The following FAR2 variants were observed in gnomAD, a reference collection of about 807,000 sequenced individuals.
FAR2 encodes fatty acyl-CoA reductase 2, also known as epididymis secretory protein Li 81.
Under a neutral mutation model 56.0 loss-of-function variants are expected in FAR2, and 19 were observed. The ratio of observed to expected loss-of-function variants is 0.34; its 90% confidence interval spans 0.24 to 0.50. The LOEUF (loss-of-function observed/expected upper bound fraction) is 0.50. Among genes scored for constraint, FAR2 ranks in the 20% least tolerant of loss-of-function variants. The pLI is 0.98. For synonymous variants in FAR2, 219 were observed against 218.8 expected (o/e 1.00, Z -0.01); for missense variants, 508 against 642.2 (o/e 0.79, Z 2.26).
intron 1 of FAR2, among the ~76,000 whole-genome samples, chr12:29,210,946 C>CAA (rs11407727): frequency 0.09 from 13,556 of 151,202 alleles, 819 homozygotes; most frequent in East Asian, 0.3. Flanking sequence ...GTCTTAAAAA[C>CAA]AAAAAAAAAA....
intron 1 of FAR2, among the ~76,000 whole-genome samples, chr12:29,254,364 T>A (rs1310472869): frequency 6.6e-6 from 1 of 152,204 alleles, no homozygotes; most frequent in African/African-American, 2.4e-5. Context: ...GTGACTGATA[T>A]ACAATTGTTT....
chr12:29,332,719 C>T lies in FAR2; in HGVS notation c.1377C>T (p.Arg459=), dbSNP rs1299120851. The change falls in exon 11 of 12, where the codon CGC becomes CGT. Residue 459 remains arginine, a synonymous_variant. Transcript: ENST00000536681. ...CTGGGATCCCAAAAGCAAAGCAACG[C>T]TTAAAAAGGTAAGTATAATCAGTCA... ...DMAGIPKAKQ[R]LKRLRNIHYL... 2.5e-6 allele frequency: 4 copies of T among 1,612,758 alleles called. No individual in the cohort carries two copies. Among genetic ancestry groups the T allele is most frequent in the Non-Finnish European group, 3.4e-6 (4 of 1,179,402 alleles).
chr12:29,235,084 T>C (rs1372148686), intron 1 of FAR2, among the ~76,000 whole-genome samples: 2 of 152,228 alleles, frequency 1.3e-5, no homozygotes, highest in Non-Finnish European at 2.9e-5. Flanking sequence ...TTTGTCCTCA[T>C]AGCAACCGTT....
At position 29,220,063 on chromosome 12, in the gene FAR2, A is replaced by G. The variant is rs75359779; in HGVS notation, c.-38-50349A>G. The stretch of plus-strand genomic sequence containing the variant: ...ATATTATGATCCCTGCACATTACAA[A>G]TGATCCAGTTGAGTCCTGGCAGTAG... On this transcript the variant is annotated intron_variant, in intron 1 of 11. Transcript: ENST00000536681. 9.5e-4 allele frequency among the ~76,000 whole-genome samples: 145 copies of G among 152,316 alleles called. No individual in the cohort carries two copies. In the East Asian group the frequency reaches 0.027, roughly 28 times the overall value.
intron 1 of FAR2, among the ~76,000 whole-genome samples, chr12:29,197,310 C>G (rs1950152012): frequency 6.6e-6 from 1 of 152,102 alleles, no homozygotes; most frequent in South Asian, 2.1e-4. Context: ...CAGCTAATAC[C>G]ACCCTGTTAA....
intron 2 of FAR2, 40 bp downstream of exon 2, chr12:29,270,678 T>C (rs1220249462): frequency 6.6e-7 from 1 of 1,515,840 alleles, no homozygotes; most frequent in Admixed American, 1.8e-5. Flanking sequence ...GGCAATGCCT[T>C]AGGGCAAGAT....
chr12:29,321,834 C>T lies in FAR2; in HGVS notation c.1167C>T (p.Ser389=), dbSNP rs201182067. Residue 389 remains serine (S), a synonymous_variant, in exon 10 of 12, where the codon TCC becomes TCT. Transcript: ENST00000536681. ...KLMNRLLRTV[S]MLEYFINRSW... Reference sequence around the variant, plus strand: ...TGAATCGGCTTTTAAGAACTGTTTCCATGTTGGAGTATTTCATCAACCGGA... The same window carrying T: ...TGAATCGGCTTTTAAGAACTGTTTCTATGTTGGAGTATTTCATCAACCGGA... 1.2e-6 allele frequency: 2 copies of T among 1,613,750 alleles called. No homozygotes were observed. Among genetic ancestry groups the T allele is most frequent in the East Asian group, 2.2e-5 (1 of 44,858 alleles).
chr12:29,256,594 G>A (rs1013510748), intron 1 of FAR2, among the ~76,000 whole-genome samples: 1 of 152,200 alleles, frequency 6.6e-6, no homozygotes, highest in Non-Finnish European at 1.5e-5. Flanking sequence ...CCCTTTCTGG[G>A]CTGGCCAAGG....
At chr12:29,167,591 A>G (rs193200887) in intron 1 of FAR2, among the ~76,000 whole-genome samples, 43 of 152,292 alleles carry the variant, frequency 2.8e-4, no homozygotes, top group Admixed American at 7.2e-4. Context: ...ACATCCTTCT[A>G]TTCTTCAATT....
intron 1 of FAR2, among the ~76,000 whole-genome samples, chr12:29,251,243 A>G (rs1474648016): frequency 1.3e-5 from 2 of 152,242 alleles, no homozygotes; most frequent in African/African-American, 4.8e-5. Context: ...GCCAGTTTAC[A>G]GACCTAGAAC....
At chr12:29,326,161 A>G (rs1170064284) in intron 10 of FAR2, among the ~76,000 whole-genome samples, 5 of 152,192 alleles carry the variant, frequency 3.3e-5, no homozygotes, top group Non-Finnish European at 7.4e-5. Flanking sequence ...GAAGAAATGG[A>G]TAAATTCCTC....
intron 1 of FAR2, among the ~76,000 whole-genome samples, chr12:29,222,058 A>G (rs959257177): frequency 2.0e-5 from 3 of 152,164 alleles, no homozygotes; most frequent in African/African-American, 7.2e-5. Flanking sequence ...CATGTTGGGC[A>G]GGCTGGTTTC....
chr12:29,276,875 T>TTA (rs925244145), intron 2 of FAR2, among the ~76,000 whole-genome samples: 35 of 150,516 alleles, frequency 2.3e-4, no homozygotes, highest in Non-Finnish European at 3.4e-4. Flanking sequence ...AATCTCTAGA[T>TTA]TATATATATA....
chr12:29,190,187 G>A (rs1369056299), intron 1 of FAR2, among the ~76,000 whole-genome samples: 1 of 152,156 alleles, frequency 6.6e-6, no homozygotes, highest in Non-Finnish European at 1.5e-5. Flanking sequence ...AAATGAGCGG[G>A]CACACCTAGG....
intron 1 of FAR2, among the ~76,000 whole-genome samples, chr12:29,263,991 T>C (rs1235009096): frequency 5.9e-5 from 9 of 151,910 alleles, no homozygotes; most frequent in Non-Finnish European, 1.5e-5. Flanking sequence ...CAAAACCAGA[T>C]AAAGACACAT....
At chr12:29,246,111 T>A (rs1246248082) in intron 1 of FAR2, among the ~76,000 whole-genome samples, 1 of 152,012 alleles carries the variant, frequency 6.6e-6, no homozygotes, top group African/African-American at 2.4e-5. Context: ...CAAATTTTCC[T>A]TTTTACTATC....
intron 2 of FAR2, among the ~76,000 whole-genome samples, chr12:29,273,438 G>A (rs1948652647): frequency 6.6e-6 from 1 of 152,232 alleles, no homozygotes. Flanking sequence ...CTGCCACAGT[G>A]TGTGTGTGGC....
chr12:29,292,155 T>C (rs1430555451), intron 2 of FAR2: 2 of 152,196 alleles, frequency 1.3e-5, no homozygotes, highest in Admixed American at 1.3e-4. Flanking sequence ...TAGCAGTAAC[T>C]TCTGTCTTTT....
intron 1 of FAR2, among the ~76,000 whole-genome samples, chr12:29,248,834 G>A: frequency 6.6e-6 from 1 of 152,178 alleles, no homozygotes; most frequent in East Asian, 1.9e-4. Context: ...GTTCCTTGCT[G>A]AGAAAAAGAA....
Sources: allele counts gnomAD v4.1 joint callset (sites outside exome capture counted in the v4.1 genomes callset), GRCh38; gene constraint gnomAD v4.1.1; transcripts MANE v1.5; gene names NCBI Gene and HGNC (gene_info 2026-07-23, HGNC 2026-07-21).